Variants in CLVS1 observed in about 807,000 individuals in gnomAD.
The protein encoded by CLVS1 is clavesin-1.
CLVS1 carries 10 observed loss-of-function variants against 33.1 expected under a neutral mutation model. The ratio of observed to expected loss-of-function variants is 0.30; its 90% CI spans 0.19 to 0.51. CLVS1 has a LOEUF of 0.51. CLVS1 is among the 20% of genes least tolerant of loss of function. CLVS1 has a pLI of 0.97. For synonymous variants in CLVS1, 163 were observed against 166.1 expected (o/e 0.98, Z 0.14); for missense variants, 343 against 433.4 (o/e 0.79, Z 1.85).
chr8:61,317,414 T>A (rs76432263), intron 2 of CLVS1, among the ~76,000 whole-genome samples: 2,380 of 152,252 alleles, frequency 0.016, 53 homozygotes, highest in African/African-American at 0.054. Context: ...TATTTCCAAT[T>A]TTTCACCAAT....
chr8:60,965,741 A>AT, the CLVS1 span: 1 of 152,160 alleles, frequency 6.6e-6, no homozygotes, highest in Non-Finnish European at 1.5e-5. Flanking sequence ...GTTATTTCTG[A>AT]TTCGTGGTGC....
At chr8:61,152,968 C>A (rs1307770610) in intron 2 of CLVS1, among the ~76,000 whole-genome samples, 2 of 152,000 alleles carry the variant, frequency 1.3e-5, no homozygotes, top group East Asian at 3.9e-4. Flanking sequence ...AATTCGAGAC[C>A]AGCCCTGGGC....
At chr8:61,118,136 C>G (rs975129415) in intron 1 of CLVS1, among the ~76,000 whole-genome samples, 11 of 151,712 alleles carry the variant, frequency 7.3e-5, no homozygotes, top group African/African-American at 2.7e-4. Flanking sequence ...TCCATTTCTT[C>G]TAGATTTTCT....
At chr8:61,283,946 G>A (rs1315260645), upstream of CLVS1, among the ~76,000 whole-genome samples, 1 of 152,134 alleles carries the variant, frequency 6.6e-6, no homozygotes, top group African/African-American at 2.4e-5. Flanking sequence ...TTAGAAGTAA[G>A]TTATTCCAAT....
intron 5 of CLVS1, among the ~76,000 whole-genome samples, chr8:61,469,652 C>G (rs900097646): frequency 1.3e-5 from 2 of 152,116 alleles, no homozygotes; most frequent in Non-Finnish European, 2.9e-5. Flanking sequence ...TCATTTCCAG[C>G]AGAGGTAATA....
At chr8:61,000,543 A>T in the CLVS1 span, among the ~76,000 whole-genome samples, 1 of 152,268 alleles carries the variant, frequency 6.6e-6, no homozygotes, top group African/African-American at 2.4e-5. Context: ...GAGGCAAAGC[A>T]GCATGAAACC....
chr8:61,459,826 A>T (rs1419713170), intron 5 of CLVS1, among the ~76,000 whole-genome samples: 1 of 152,122 alleles, frequency 6.6e-6, no homozygotes, highest in Non-Finnish European at 1.5e-5. Flanking sequence ...ACAGAAATTT[A>T]TTTTCTTACA....
rs1161444979 is a variant in CLVS1 at position 61,357,491 on chromosome 8, TTTC to T, written c.456-19111_456-19109del. Reference sequence around the variant, plus strand: ...TTCCTTCTTTTTCTTTCCTTTTTCTTTTCTTTTTTTTTTTTTTTTTTTTTTTTT... The same window carrying T: ...TTCCTTCTTTTTCTTTCCTTTTTCTTTTTTTTTTTTTTTTTTTTTTTTTTT... On this transcript the variant is annotated intron_variant, in intron 2 of 5. Coordinates refer to ENST00000325897, the MANE Select transcript of CLVS1 (RefSeq NM_173519.3). Among the ~76,000 whole-genome samples, 7 of 128,384 alleles carry T rather than the reference TTTC, an allele frequency of 5.5e-5. No individual in the cohort carries two copies. In the East Asian group the frequency reaches 1.5e-3, roughly 27 times the overall value. The allele number at this position is 128,384 out of a possible 152,430, so 84.2% of individuals were successfully genotyped here. A position where few individuals can be genotyped will look rare whatever the true frequency, so the allele number is the denominator to read the frequency against.
At chr8:61,130,395 G>C (rs746287158) in intron 1 of CLVS1, among the ~76,000 whole-genome samples, 2 of 152,026 alleles carry the variant, frequency 1.3e-5, no homozygotes, top group African/African-American at 2.4e-5. Context: ...ATACCACATT[G>C]ACCCAATTCA....
upstream of CLVS1, among the ~76,000 whole-genome samples, chr8:61,283,583 A>T (rs1809718455): frequency 6.6e-6 from 1 of 152,176 alleles, no homozygotes; most frequent in African/African-American, 2.4e-5. Context: ...TCTCATGTAT[A>T]CATTTCCCCC....
At chr8:61,444,657 G>A (rs1214127624) in intron 3 of CLVS1, among the ~76,000 whole-genome samples, 1 of 152,180 alleles carries the variant, frequency 6.6e-6, no homozygotes, top group African/African-American at 2.4e-5. Context: ...CTACAGAATG[G>A]AGTCACATGG....
At chr8:61,433,309 A>C (rs907302709) in intron 3 of CLVS1, among the ~76,000 whole-genome samples, 1 of 152,206 alleles carries the variant, frequency 6.6e-6, no homozygotes, top group Non-Finnish European at 1.5e-5. Context: ...TGTATTTTAC[A>C]CATGAAAAGA....
Position 61,454,237 on chromosome 8 carries a change from A to G in CLVS1, c.727A>G (p.Lys243Glu). 1 of 1,613,082 alleles carries G rather than the reference A, an allele frequency of 6.2e-7. No individual in the cohort carries two copies. The highest frequency in any genetic ancestry group is 8.5e-7 in the Non-Finnish European group (1 of 1,179,022). The change falls in exon 4 of 6, where the codon AAG becomes GAG. Residue 243 changes from lysine (K) to glutamate (E), a missense_variant. By Grantham distance (56) the Lys-to-Glu change is moderately conservative (BLOSUM62 1). Transcript: ENST00000325897. ...YTLIKPFLKD[K>E]TRKRIFLHGN... ...ACTCATCAAGCCATTTCTTAAAGAC[A>G]AGACCAGGAAACGGGTAATGAAAAC...
chr8:61,472,616 CA>C (rs1405051483), intron 5 of CLVS1, among the ~76,000 whole-genome samples: 1 of 152,094 alleles, frequency 6.6e-6, no homozygotes, highest in Non-Finnish European at 1.5e-5. Flanking sequence ...TTACTTCTCC[CA>C]GTTTTTGAAT....
At chr8:61,076,858 C>T (rs1220977774) in intron 1 of CLVS1, among the ~76,000 whole-genome samples, 1 of 152,166 alleles carries the variant, frequency 6.6e-6, no homozygotes, top group Non-Finnish European at 1.5e-5. Context: ...AGTCCCTGCA[C>T]CCATTTAATG....
At chr8:61,108,233 A>C (rs536053042) in intron 1 of CLVS1, among the ~76,000 whole-genome samples, 4 of 151,632 alleles carry the variant, frequency 2.6e-5, no homozygotes, top group African/African-American at 9.7e-5. Context: ...AAAAAAAAAA[A>C]ACCATAAAAA....
rs530135355 is a variant in CLVS1, at chr8:61,391,023, T to C, written c.630+14244T>C. The C allele has an allele frequency of 8.5e-5, 13 of 152,260 alleles. No homozygotes were observed. In the East Asian group the frequency reaches 2.3e-3, roughly 27 times the overall value. The allele number at this position is 152,260 out of a possible 1,614,324, so 9.4% of individuals were successfully genotyped here. A position where few individuals can be genotyped will look rare whatever the true frequency, so the allele number is the denominator to read the frequency against. On this transcript the variant is annotated intron_variant, in intron 3 of 5. Coordinates refer to ENST00000325897, the MANE Select transcript of CLVS1 (RefSeq NM_173519.3). Reference sequence around the variant, plus strand: ...AACATTTTAGTCTATCTGGAATTTATATTTGAAGAGATGTGAGGAAGAAAT... The same window carrying C: ...AACATTTTAGTCTATCTGGAATTTACATTTGAAGAGATGTGAGGAAGAAAT...
intron 2 of CLVS1, among the ~76,000 whole-genome samples, chr8:61,240,282 C>T (rs781457950): frequency 6.6e-6 from 1 of 152,274 alleles, no homozygotes; most frequent in Admixed American, 6.5e-5. Context: ...CCCCCGTGCT[C>T]TCTGTGCTCA....
chr8:61,154,077 A>T (rs1444870381), intron 2 of CLVS1, among the ~76,000 whole-genome samples: 5 of 152,056 alleles, frequency 3.3e-5, no homozygotes, highest in Non-Finnish European at 5.9e-5. Context: ...GCAAAAGGAA[A>T]CCCAAGGCAG....
Sources: gnomAD v4.1 joint callset for allele counts (sites outside exome capture counted in the v4.1 genomes callset) on GRCh38, gnomAD v4.1.1 for gene constraint, MANE v1.5 for transcripts, NCBI Gene and HGNC (gene_info 2026-07-23, HGNC 2026-07-21) for gene names.